The following ZEB1 variants were observed in gnomAD, a reference collection of about 807,000 sequenced individuals.
ZEB1 encodes the protein zinc finger E-box-binding homeobox 1.
Under a neutral mutation model 84.9 loss-of-function variants are expected in ZEB1, and 21 were observed. That is an observed-to-expected ratio of 0.25 (90% CI 0.18 to 0.36). The LOEUF (loss-of-function observed/expected upper bound fraction) is 0.36, where lower values mean the gene tolerates loss of function less well. ZEB1 is among the 10% of genes least tolerant of loss of function. ZEB1 has a pLI of 1.00. For synonymous variants in ZEB1, 420 were observed against 471.1 expected (o/e 0.89, Z 1.41); for missense variants, 1,104 against 1,330.2 (o/e 0.83, Z 2.65).
intron 1 of ZEB1, 106 bp downstream of exon 1, chr10:31,319,398 G>C: frequency 8.6e-7 from 1 of 1,157,296 alleles, no homozygotes; most frequent in Non-Finnish European, 1.3e-6. Context: ...AGCCGGGGCA[G>C]GGACGGCAAA....
chr10:31,368,236 C>T (rs2044936193), intron 1 of ZEB1, among the ~76,000 whole-genome samples: 1 of 152,148 alleles, frequency 6.6e-6, no homozygotes, highest in South Asian at 2.1e-4. Context: ...CTTACTGCAG[C>T]CTCGACCTCC....
intron 1 of ZEB1, chr10:31,319,592 T>G: frequency 2.6e-5 from 10 of 379,502 alleles, no homozygotes; most frequent in East Asian, 1.5e-4. Flanking sequence ...CGCCGCCGCA[T>G]CCCCGGCGCA....
At chr10:31,358,823 C>G (rs2042531701) in intron 1 of ZEB1, among the ~76,000 whole-genome samples, 1 of 152,274 alleles carries the variant, frequency 6.6e-6, no homozygotes, top group South Asian at 2.1e-4. Flanking sequence ...TGCTAGATTT[C>G]TGAATGTTAG....
At chr10:31,475,062 G>A (rs571220619) in intron 2 of ZEB1, among the ~76,000 whole-genome samples, 1 of 151,240 alleles carries the variant, frequency 6.6e-6, no homozygotes, top group East Asian at 2.0e-4. Context: ...GGACTGTTGT[G>A]GGGTGGGGCG....
At chr10:31,413,631 C>G (rs1162660355) in intron 1 of ZEB1, among the ~76,000 whole-genome samples, 2 of 152,012 alleles carry the variant, frequency 1.3e-5, no homozygotes, top group African/African-American at 4.8e-5. Flanking sequence ...GGTGAGCTCA[C>G]TGATAGCAGA....
At chr10:31,481,982 A>G (rs2065100771) in intron 2 of ZEB1, among the ~76,000 whole-genome samples, 1 of 152,088 alleles carries the variant, frequency 6.6e-6, no homozygotes, top group Non-Finnish European at 1.5e-5. Context: ...GGATATTAAA[A>G]TAAGTGGGTG....
chr10:31,387,039 A>G, intron 1 of ZEB1: 1 of 965,126 alleles, frequency 1.0e-6, no homozygotes. Flanking sequence ...TCTGTTCTCA[A>G]AACTTCATTT....
At chr10:31,511,493 A>C in intron 5 of ZEB1, among the ~76,000 whole-genome samples, 1 of 152,184 alleles carries the variant, frequency 6.6e-6, no homozygotes, top group Non-Finnish European at 1.5e-5. Context: ...TATAAGTTAC[A>C]TTTAAATTGC....
intron 1 of ZEB1, among the ~76,000 whole-genome samples, chr10:31,458,121 A>G (rs929320338): frequency 6.6e-6 from 1 of 152,124 alleles, no homozygotes; most frequent in African/African-American, 2.4e-5. Flanking sequence ...CAGACCTTAC[A>G]TGATAGCCAG....
intron 1 of ZEB1, among the ~76,000 whole-genome samples, chr10:31,367,404 G>A (rs765711942): frequency 1.3e-5 from 2 of 152,120 alleles, no homozygotes; most frequent in African/African-American, 2.4e-5. Flanking sequence ...TGAAGGTGGT[G>A]GTAGTAGTGA....
At position 31,502,451 on chromosome 10, in the gene ZEB1, G is replaced by A; in HGVS notation, c.426G>A (p.Glu142=). Residue 142 remains glutamate, a synonymous_variant, in exon 4 of 9, where the codon GAG becomes GAA. Coordinates refer to ENST00000424869, the MANE Select transcript of ZEB1 (RefSeq NM_001174096.2). ...AAGACACTGCTGTCATTTTTCCTGA[G>A]GCACCTGAAGAGGACCAGAGGCAGG... The part of the protein sequence containing the change: ...QQQDTAVIFP[E]APEEDQRQGT... The A allele has an allele frequency of 1.1e-5, 18 of 1,613,854 alleles. No homozygotes were observed. The highest frequency in any genetic ancestry group is 1.7e-5 in the Admixed American group (1 of 60,006).
chr10:31,375,046 T>TACACACACACACACACACACACAC (rs146271736), intron 1 of ZEB1: 4 of 132,408 alleles, frequency 3.0e-5, no homozygotes, highest in African/African-American at 8.1e-5. Flanking sequence ...ATGTTTTTCA[T>TACACACACACACACACACACACAC]ACACACACAC....
chr10:31,363,179 C>G, intron 1 of ZEB1: 1 of 1,534,018 alleles, frequency 6.5e-7, no homozygotes, highest in East Asian at 2.4e-5. Flanking sequence ...ATCAGCAAGC[C>G]TGGAGAGCTG....
At chr10:31,395,194 A>G (rs2050478929) in intron 1 of ZEB1, among the ~76,000 whole-genome samples, 1 of 152,232 alleles carries the variant, frequency 6.6e-6, no homozygotes, top group South Asian at 2.1e-4. Context: ...TGTGCTAACA[A>G]ATAGTTCTAC....
chr10:31,510,716 T>C lies in ZEB1; in HGVS notation c.528T>C (p.Cys176=). 1 of 1,613,944 alleles carries C rather than the reference T, an allele frequency of 6.2e-7. No individual in the cohort carries two copies. The highest frequency in any genetic ancestry group is 8.5e-7 in the Non-Finnish European group (1 of 1,179,878). The part of the protein sequence containing the change: ...AFSQLLTCPY[C]DRGYKRFTSL... The stretch of plus-strand genomic sequence containing the variant: ...CACAATTACTCACCTGTCCATATTG[T>C]GATAGAGGCTATAAACGCTTTACCT... Residue 176 remains cysteine (C), a synonymous_variant, in exon 5 of 9, where the codon TGT becomes TGC. Transcript: ENST00000424869.
intron 1 of ZEB1, among the ~76,000 whole-genome samples, chr10:31,377,080 C>T (rs553872924): frequency 1.4e-5 from 2 of 147,240 alleles, no homozygotes; most frequent in South Asian, 4.3e-4. Flanking sequence ...ACTTTATAAC[C>T]TAGTGTCTTT....
At chr10:31,456,406 A>T (rs768170148) in intron 1 of ZEB1, among the ~76,000 whole-genome samples, 14 of 152,114 alleles carry the variant, frequency 9.2e-5, no homozygotes, top group Non-Finnish European at 1.6e-4. Context: ...ATAATAATAA[A>T]AAGATTTGAC....
At chr10:31,340,695 A>C (rs2039185715) in intron 1 of ZEB1, among the ~76,000 whole-genome samples, 1 of 152,196 alleles carries the variant, frequency 6.6e-6, no homozygotes, top group South Asian at 2.1e-4. Context: ...GTCACAAAAC[A>C]GACACTTGTA....
At position 31,526,999 on chromosome 10, in the gene ZEB1, A is replaced by G. The variant is rs1310795626; in HGVS notation, c.3113A>G (p.Glu1038Gly). 6.2e-7 allele frequency: 1 copy of G among 1,607,832 alleles called. No homozygotes were observed. ...ACAAGGGAAGAGGATGAAGACAGTG[A>G]AAAAGAGGAAGAGGAGGAGGATAAA... is the stretch of plus-strand genomic sequence containing the variant. ...SLTREEDEDS[E>G]KEEEEEDKEM... is the part of the protein sequence containing the mutation. The change falls in exon 9 of 9, where the codon GAA becomes GGA. Residue 1038 changes from glutamate to glycine, a missense_variant. By Grantham distance (98) the Glu-to-Gly change is moderately conservative. This residue lies in a region of ZEB1 where 173 missense variants were observed against 167.0 expected (regional missense o/e 1.04). Coordinates refer to ENST00000424869, the MANE Select transcript of ZEB1 (RefSeq NM_001174096.2).
Sources: allele counts gnomAD v4.1 joint callset (sites outside exome capture counted in the v4.1 genomes callset), GRCh38; gene constraint gnomAD v4.1.1; regional missense constraint gnomAD v4.1.1; transcripts MANE v1.5; gene names NCBI Gene and HGNC (gene_info 2026-07-23, HGNC 2026-07-21).